PDZRN4: variants seen among roughly 807,000 people sequenced by gnomAD.
The protein encoded by PDZRN4 is PDZ domain containing ring finger 4, also known as PDZ domain-containing RING finger protein 4.
In PDZRN4, 70 loss-of-function variants were observed where a neutral mutation model predicts 99.0. The observed-to-expected ratio is 0.71, with a 90% CI of 0.58 to 0.86. The LOEUF (loss-of-function observed/expected upper bound fraction) is 0.86, where lower values mean the gene tolerates loss of function less well. Among genes scored for constraint, PDZRN4 ranks in the 40% least tolerant of loss-of-function variants. PDZRN4 has a pLI of 0.00. For missense variants in PDZRN4, 1,474 were observed against 1,331.2 expected (o/e 1.11, Z -1.67); for synonymous variants, 551 against 501.6 (o/e 1.10, Z -1.32).
intron 3 of PDZRN4, among the ~76,000 whole-genome samples, chr12:41,315,042 C>T (rs1313747582): frequency 2.0e-5 from 3 of 152,014 alleles, no homozygotes; most frequent in Admixed American, 6.6e-5. Flanking sequence ...TACACTAAGC[C>T]AAAACCATAT....
intron 3 of PDZRN4, among the ~76,000 whole-genome samples, chr12:41,213,369 T>C (rs991010515): frequency 6.6e-6 from 1 of 152,012 alleles, no homozygotes; most frequent in Non-Finnish European, 1.5e-5. Flanking sequence ...CTTCAACATA[T>C]ATTTCACGAA....
At position 41,188,877 on chromosome 12, in the gene PDZRN4, G is replaced by T. The variant is rs1364924885; in HGVS notation, c.422G>T (p.Arg141Leu). Reference protein sequence around the residue: ...GGCGPTPRAGRGGGARGGPPG... With the variant: ...GGCGPTPRAGLGGGARGGPPG... ...TGCGGTCCGACACCCAGGGCTGGCCGGGGCGGGGGCGCGCGCGGGGGGCCG... is the reference window on the plus strand; with the variant it reads ...TGCGGTCCGACACCCAGGGCTGGCCTGGGCGGGGGCGCGCGCGGGGGGCCG... The change falls in exon 1 of 10, where the codon CGG (arginine) becomes CTG (leucine). Residue 141 changes from arginine to leucine, a missense_variant. Coordinates refer to ENST00000402685, the MANE Select transcript of PDZRN4 (RefSeq NM_001164595.2). 3 of 1,117,400 alleles carry T rather than the reference G, an allele frequency of 2.7e-6. No individual in the cohort carries two copies. The highest frequency in any genetic ancestry group is 1.7e-5 in the African/African-American group (1 of 60,034). The allele number at this position is 1,117,400 out of a possible 1,614,324, so 69.2% of individuals were successfully genotyped here. A position where few individuals can be genotyped will look rare whatever the true frequency, so the allele number is the denominator to read the frequency against.
chr12:41,422,315 T>C (rs190136488), intron 3 of PDZRN4, among the ~76,000 whole-genome samples: 13 of 152,310 alleles, frequency 8.5e-5, no homozygotes, highest in African/African-American at 3.1e-4. Flanking sequence ...GTGGAATATA[T>C]CCTCAGTCAA....
At chr12:41,198,695 G>T (rs1029404056) in intron 3 of PDZRN4, among the ~76,000 whole-genome samples, 1 of 151,032 alleles carries the variant, frequency 6.6e-6, no homozygotes, top group African/African-American at 2.4e-5. Flanking sequence ...CACCAGCATG[G>T]CACATGTATA....
At chr12:41,366,305 T>C (rs1441480474) in intron 3 of PDZRN4, among the ~76,000 whole-genome samples, 1 of 152,140 alleles carries the variant, frequency 6.6e-6, no homozygotes, top group Non-Finnish European at 1.5e-5. Context: ...AAAAGTCATA[T>C]AGTGTGCAGA....
intron 5 of PDZRN4, among the ~76,000 whole-genome samples, chr12:41,548,989 T>A (rs763867308): frequency 6.6e-6 from 1 of 152,190 alleles, no homozygotes; most frequent in South Asian, 2.1e-4. Context: ...AAAGAGACTT[T>A]AGACGCGTCC....
intron 3 of PDZRN4, among the ~76,000 whole-genome samples, chr12:41,435,637 A>C (rs1055890803): frequency 6.6e-6 from 1 of 152,024 alleles, no homozygotes; most frequent in Non-Finnish European, 1.5e-5. Context: ...AAATACAAAA[A>C]ATTAGCCAGG....
chr12:41,461,874 C>G (rs190412289), intron 3 of PDZRN4, among the ~76,000 whole-genome samples: 7 of 152,190 alleles, frequency 4.6e-5, no homozygotes, highest in Non-Finnish European at 1.0e-4. Context: ...TCCTCTAGAA[C>G]AAAACCCACT....
At chr12:41,517,565 G>A (rs531304852) in intron 5 of PDZRN4, among the ~76,000 whole-genome samples, 1 of 152,194 alleles carries the variant, frequency 6.6e-6, no homozygotes, top group South Asian at 2.1e-4. Flanking sequence ...ATAAAATAGA[G>A]TGGAAGGAAA....
At chr12:41,418,272 G>A (rs983942936) in intron 3 of PDZRN4, among the ~76,000 whole-genome samples, 4 of 152,100 alleles carry the variant, frequency 2.6e-5, no homozygotes, top group Middle Eastern at 3.4e-3. Flanking sequence ...TTCATTCTAC[G>A]GAACATTAAT....
chr12:41,202,277 G>A (rs977695234), intron 3 of PDZRN4, among the ~76,000 whole-genome samples: 1 of 152,040 alleles, frequency 6.6e-6, no homozygotes, highest in East Asian at 1.9e-4. Flanking sequence ...AGAAGCTTAA[G>A]GCACAGCTCA....
chr12:41,560,296 T>C (rs1939248006), intron 7 of PDZRN4, among the ~76,000 whole-genome samples: 1 of 152,152 alleles, frequency 6.6e-6, no homozygotes, highest in African/African-American at 2.4e-5. Flanking sequence ...AACCTAGATA[T>C]TGGTATATGG....
chr12:41,380,328 T>A (rs1430849756), intron 3 of PDZRN4, among the ~76,000 whole-genome samples: 1 of 152,080 alleles, frequency 6.6e-6, no homozygotes, highest in African/African-American at 2.4e-5. Flanking sequence ...AGAATTTAAT[T>A]CATTTACATT....
intron 3 of PDZRN4, among the ~76,000 whole-genome samples, chr12:41,255,065 A>C (rs1418324573): frequency 6.6e-6 from 1 of 152,198 alleles, no homozygotes; most frequent in Non-Finnish European, 1.5e-5. Flanking sequence ...AAAGAAAAGA[A>C]AGAGAAAAAG....
chr12:41,250,488 A>C (rs1041244344), intron 3 of PDZRN4, among the ~76,000 whole-genome samples: 1 of 152,238 alleles, frequency 6.6e-6, no homozygotes, highest in African/African-American at 2.4e-5. Context: ...ATCAAGTTCA[A>C]GATACTTTTG....
At chr12:41,288,209 C>T (rs1951433159) in intron 3 of PDZRN4, among the ~76,000 whole-genome samples, 1 of 152,128 alleles carries the variant, frequency 6.6e-6, no homozygotes, top group South Asian at 2.1e-4. Flanking sequence ...CAGCCTCTCC[C>T]CTGGACTGCT....
intron 3 of PDZRN4, among the ~76,000 whole-genome samples, chr12:41,384,036 T>G (rs1952146808): frequency 7.7e-6 from 1 of 130,566 alleles, no homozygotes; most frequent in African/African-American, 3.0e-5. Flanking sequence ...GGAATCTCTG[T>G]CTGTCGCCCA....
At chr12:41,312,511 G>C (rs1951614015) in intron 3 of PDZRN4, among the ~76,000 whole-genome samples, 1 of 152,090 alleles carries the variant, frequency 6.6e-6, no homozygotes, top group Non-Finnish European at 1.5e-5. Context: ...ATCTGAGACT[G>C]GGTAATTTAT....
intron 3 of PDZRN4, among the ~76,000 whole-genome samples, chr12:41,264,597 T>C (rs903870461): frequency 7.2e-5 from 11 of 152,330 alleles, no homozygotes; most frequent in East Asian, 1.9e-4. Flanking sequence ...TTTTCATTAG[T>C]GTTTTATTTT....
Sources: gnomAD v4.1 joint callset for allele counts (sites outside exome capture counted in the v4.1 genomes callset) on GRCh38, gnomAD v4.1.1 for gene constraint, MANE v1.5 for transcripts, NCBI Gene and HGNC (gene_info 2026-07-23, HGNC 2026-07-21) for gene names.